Variants in CDC25A observed in about 807,000 individuals in gnomAD.
The protein encoded by CDC25A is cell division cycle 25A.
In CDC25A, 17 loss-of-function variants were observed where a neutral mutation model predicts 64.6. That is an observed-to-expected ratio of 0.26 (90% CI 0.18 to 0.39). The LOEUF is 0.39. CDC25A is among the 10% of genes least tolerant of loss of function. The pLI is 1.00. For missense variants in CDC25A, 473 were observed against 654.8 expected, an observed-to-expected ratio of 0.72 and a Z score of 3.03; for synonymous variants, 229 against 238.6, an observed-to-expected ratio of 0.96 and a Z score of 0.37.
Position 48,180,772 on chromosome 3 carries a change from C to T in CDC25A, c.498G>A (p.Gln166=), listed in dbSNP as rs905879740. 5.0e-6 allele frequency: 8 copies of T among 1,613,776 alleles called. No individual in the cohort carries two copies. The African/African-American group carries it at 9.3e-5, about 19-fold the overall frequency. Residue 166 remains glutamine, a synonymous_variant, in exon 6 of 15, where the codon CAG becomes CAA. Coordinates refer to ENST00000302506, the MANE Select transcript of CDC25A (RefSeq NM_001789.3). The part of the protein sequence containing the change: ...SRGCLHSHGL[Q]EGKDLFTQRQ... Reference sequence around the variant, plus strand: ...TCTGTGTGAAGAGATCTTTACCCTCCTGGAGTCCATGAGAGTGCAGGCAGC... The same window carrying T: ...TCTGTGTGAAGAGATCTTTACCCTCTTGGAGTCCATGAGAGTGCAGGCAGC...
At chr3:48,160,061 A>T (rs1230497338) in intron 13 of CDC25A, among the ~76,000 whole-genome samples, 1 of 151,954 alleles carries the variant, frequency 6.6e-6, no homozygotes, top group Non-Finnish European at 1.5e-5. Flanking sequence ...CAGCCCCACT[A>T]CTGTTCCTCC....
chr3:48,186,569 CAAAA>C (rs750148404), intron 2 of CDC25A, 130 bp downstream of exon 2: 702 of 382,164 alleles, frequency 1.8e-3, no homozygotes, highest in Admixed American at 2.3e-3. Flanking sequence ...AACTCTGTCT[CAAAA>C]AAAAAAAAAA....
intron 9 of CDC25A, among the ~76,000 whole-genome samples, chr3:48,170,148 C>T (rs556885684): frequency 6.6e-6 from 1 of 152,102 alleles, no homozygotes; most frequent in African/African-American, 2.4e-5. Context: ...TGCTGTTACC[C>T]CCAGATATGA....
chr3:48,158,807 T>C lies in CDC25A; in HGVS notation c.*138A>G. The C allele has an allele frequency of 4.9e-6, 5 of 1,021,332 alleles. No homozygotes were observed. The highest frequency in any genetic ancestry group is 7.2e-6 in the Non-Finnish European group (5 of 698,352). The allele number at this position is 1,021,332 out of a possible 1,614,324, so 63.3% of individuals were successfully genotyped here. On this transcript the variant is annotated 3_prime_UTR_variant, in exon 15 of 15. Transcript: ENST00000302506. Reference sequence around the variant, plus strand: ...GCTCCAACCTTGGGAGTGTGGGAGGTAGGTTTAAGGCATGGAAGTCCCAGG... The same window carrying C: ...GCTCCAACCTTGGGAGTGTGGGAGGCAGGTTTAAGGCATGGAAGTCCCAGG...
chr3:48,173,736 G>A (rs2032353902), intron 9 of CDC25A, among the ~76,000 whole-genome samples: 1 of 152,188 alleles, frequency 6.6e-6, no homozygotes, highest in African/African-American at 2.4e-5. Context: ...TGCCTTTCTT[G>A]CAGTATCAGA....
At chr3:48,159,634 A>C (rs1575256164) in intron 13 of CDC25A, among the ~76,000 whole-genome samples, 179 bp from the exon 14 acceptor site, 1 of 152,184 alleles carries the variant, frequency 6.6e-6, no homozygotes, top group Non-Finnish European at 1.5e-5. Context: ...AGCAGCACTC[A>C]CAGCCAGTGC....
rs753999679 is a variant in CDC25A, at chr3:48,163,283, C to CAA, written c.1322+1022_1322+1023dup. Among the ~76,000 whole-genome samples, 251 of 90,276 alleles carry CAA rather than the reference C, an allele frequency of 2.8e-3. 1 individual carries two copies. The highest frequency in any genetic ancestry group is 8.2e-3 in the African/African-American group (221 of 26,920). The allele number at this position is 90,276 out of a possible 152,430, so 59.2% of individuals were successfully genotyped here. Reference sequence around the variant, plus strand: ...GGGTGAAAACAGTGTGCCTCCGCCTCAAAAAAAAAAAAAAAAAAGAAAGAA... The same window carrying CAA: ...GGGTGAAAACAGTGTGCCTCCGCCTCAAAAAAAAAAAAAAAAAAAAGAAAGAA... On this transcript the variant is annotated intron_variant, in intron 13 of 14. Coordinates refer to ENST00000302506, the MANE Select transcript of CDC25A (RefSeq NM_001789.3).
At position 48,187,890 on chromosome 3, in the gene CDC25A, G is replaced by T; in HGVS notation, c.58C>A (p.Pro20Thr). 2 of 1,545,264 alleles carry T rather than the reference G, an allele frequency of 1.3e-6. No individual in the cohort carries two copies. The highest frequency in any genetic ancestry group is 1.7e-6 in the Non-Finnish European group (2 of 1,145,430). Reference sequence around the variant, plus strand: ...TTCACGACGGGCTGCGACGCGGGAGGGGGGCTGCAGGCGAAGAGCAGGCGG... The same window carrying T: ...TTCACGACGGGCTGCGACGCGGGAGTGGGGCTGCAGGCGAAGAGCAGGCGG... Reference protein sequence around the residue: ...RRRLLFACSPPPASQPVVKAL... With the variant: ...RRRLLFACSPTPASQPVVKAL... Residue 20 changes from proline (P) to threonine (T), a missense_variant, in exon 1 of 15, where the codon CCT becomes ACT. Around this residue, in one of 2 missense-constraint regions of CDC25A, gnomAD observed 376 missense variants for 431.9 expected, o/e 0.87. Coordinates refer to ENST00000302506, the MANE Select transcript of CDC25A (RefSeq NM_001789.3).
intron 1 of CDC25A, among the ~76,000 whole-genome samples, chr3:48,187,459 CG>C (rs2032882897): frequency 6.6e-6 from 1 of 152,216 alleles, no homozygotes; most frequent in South Asian, 2.1e-4. Flanking sequence ...ATTTTCCCCG[CG>C]GGGGTAGATT....
At chr3:48,166,083 G>A (rs922007051) in intron 10 of CDC25A, among the ~76,000 whole-genome samples, 190 bp from the exon 11 acceptor site, 2 of 152,098 alleles carry the variant, frequency 1.3e-5, no homozygotes, top group Admixed American at 6.6e-5. Context: ...TCAGGAGTTC[G>A]AGACAAGCCT....
chr3:48,183,871 A>C, intron 3 of CDC25A, 35 bp from the exon 4 acceptor site: 2 of 1,376,118 alleles, frequency 1.5e-6, no homozygotes, highest in Non-Finnish European at 2.1e-6. Flanking sequence ...AATGAGAATA[A>C]AACAAGTAAA....
chr3:48,182,984 T>A lies in CDC25A; in HGVS notation c.374A>T (p.Asp125Val). The A allele has an allele frequency of 1.2e-6, 2 of 1,613,794 alleles. No homozygotes were observed. The highest frequency in any genetic ancestry group is 1.7e-6 in the Non-Finnish European group (2 of 1,179,736). ...CSPALKRSHSDSLDHDIFQLI... is the reference protein window; with the variant it reads ...CSPALKRSHSVSLDHDIFQLI... ...CTGAAAGATGTCATGGTCAAGAGAA[T>A]CAGAATGGCTCCTCTTCAGAGCTGG... Residue 125 changes from aspartate to valine, a missense_variant, in exon 5 of 15, where the codon GAT (aspartate) becomes GTT (valine). Physicochemically the swap from Asp to Val is radical, Grantham distance 152 (BLOSUM62 -3). Transcript: ENST00000302506.
Position 48,165,830 on chromosome 3 carries a change from C to T in CDC25A, c.1092+1G>A. On this transcript the variant is annotated splice_donor_variant, in intron 11 of 14. Coordinates refer to ENST00000302506, the MANE Select transcript of CDC25A (RefSeq NM_001789.3). LOFTEE classifies it high-confidence loss of function. ...GGTGGGTTTCAAAAGGATGGACTTA[C>T]AATTTCTGGAGAGATGTATTTTAAA... The T allele has an allele frequency of 6.2e-7, 1 of 1,608,598 alleles. No homozygotes were observed. The highest frequency in any genetic ancestry group is 8.5e-7 in the Non-Finnish European group (1 of 1,174,946).
chr3:48,184,432 G>T (rs1257227801), intron 3 of CDC25A, among the ~76,000 whole-genome samples: 1 of 152,240 alleles, frequency 6.6e-6, no homozygotes. Context: ...AAGGGTTTGG[G>T]TAAGACCCAA....
At chr3:48,182,817 G>A (rs552045478) in intron 5 of CDC25A, 112 bp downstream of exon 5, 67 of 697,946 alleles carry the variant, frequency 9.6e-5, no homozygotes, top group South Asian at 6.6e-4. Flanking sequence ...TCCAAAGACC[G>A]CACATAATGG....
chr3:48,187,692 T>G, intron 1 of CDC25A, 86 bp downstream of exon 1: 1 of 1,336,576 alleles, frequency 7.5e-7, no homozygotes, highest in Non-Finnish European at 1.0e-6. Flanking sequence ...GTCTCGCCCT[T>G]CTCCCGGTCC....
At chr3:48,184,815 G>T in intron 2 of CDC25A, 120 bp from the exon 3 acceptor site, 1 of 675,210 alleles carries the variant, frequency 1.5e-6, no homozygotes, top group Non-Finnish European at 2.5e-6. Flanking sequence ...AATATTCATG[G>T]CTTGTACTTT....
chr3:48,165,540 A>C (rs1174086884), intron 12 of CDC25A, 96 bp downstream of exon 12: 3 of 776,762 alleles, frequency 3.9e-6, no homozygotes, highest in Non-Finnish European at 6.6e-6. Context: ...AACAACTAGC[A>C]TATGAGCTAA....
chr3:48,186,505 G>A (rs2032849047), intron 2 of CDC25A, among the ~76,000 whole-genome samples, 198 bp downstream of exon 2: 1 of 151,214 alleles, frequency 6.6e-6, no homozygotes, highest in South Asian at 2.1e-4. Flanking sequence ...GGAGGTGGAG[G>A]TTACAGTGAG....
Sources: gnomAD v4.1 joint callset for allele counts (sites outside exome capture counted in the v4.1 genomes callset) on GRCh38, gnomAD v4.1.1 for gene constraint, gnomAD v4.1.1 regional missense constraint, MANE v1.5 for transcripts, NCBI Gene and HGNC (gene_info 2026-07-23, HGNC 2026-07-21) for gene names.